Variants in CTNND2 observed in about 807,000 individuals in gnomAD.
CTNND2 encodes the protein catenin delta 2.
A neutral mutation model predicts 144.4 loss-of-function variants in CTNND2; 22 were observed. That is an observed-to-expected ratio of 0.15 (90% confidence interval 0.11 to 0.22). The LOEUF is 0.22. CTNND2 is among the 10% of genes least tolerant of loss of function. The probability of loss-of-function intolerance (pLI) is 1.00; values close to 1 mark genes in which losing one functional copy is unlikely to be tolerated. For synonymous variants in CTNND2, 751 were observed against 695.6 expected (o/e 1.08, Z -1.25); for missense variants, 1,353 against 1,618.8 (o/e 0.84, Z 2.82).
chr5:11,191,994 A>G (rs2149815729), intron 11 of CTNND2, among the ~76,000 whole-genome samples: 1 of 152,148 alleles, frequency 6.6e-6, no homozygotes, highest in South Asian at 2.1e-4. Flanking sequence ...ACCAGCTCTC[A>G]CCGTGGTGTC....
chr5:11,286,511 G>A (rs932504589), intron 9 of CTNND2, among the ~76,000 whole-genome samples: 1 of 152,246 alleles, frequency 6.6e-6, no homozygotes, highest in Non-Finnish European at 1.5e-5. Flanking sequence ...CTGCACCCAA[G>A]TGCCTTAGTT....
intron 3 of CTNND2, among the ~76,000 whole-genome samples, chr5:11,487,827 G>C (rs115049487): frequency 6.6e-6 from 1 of 152,082 alleles, no homozygotes; most frequent in Non-Finnish European, 1.5e-5. Context: ...AATTGACCAC[G>C]GTGGGAGTAT....
intron 3 of CTNND2, among the ~76,000 whole-genome samples, chr5:11,551,464 T>C (rs1775762562): frequency 7.8e-6 from 1 of 128,748 alleles, no homozygotes; most frequent in African/African-American, 3.1e-5. Context: ...GATAAGGGGG[T>C]CTCACTCTGT....
chr5:11,180,906 G>A (rs1760926701), intron 11 of CTNND2, among the ~76,000 whole-genome samples: 1 of 152,206 alleles, frequency 6.6e-6, no homozygotes, highest in South Asian at 2.1e-4. Context: ...AGTTCAGACA[G>A]GGCTGAGCAC....
At chr5:11,717,574 G>GAA (rs34808379) in intron 2 of CTNND2, among the ~76,000 whole-genome samples, 2 of 118,398 alleles carry the variant, frequency 1.7e-5, no homozygotes, top group African/African-American at 3.1e-5. Context: ...AAGAGACTGT[G>GAA]AAAAAAAAAA....
chr5:11,654,712 T>C (rs958244964), intron 2 of CTNND2, among the ~76,000 whole-genome samples: 6 of 152,034 alleles, frequency 3.9e-5, no homozygotes, highest in Non-Finnish European at 8.8e-5. Context: ...CTTCTTCCTT[T>C]CCAATATGGA....
intron 8 of CTNND2, among the ~76,000 whole-genome samples, chr5:11,349,720 AACTAATTTACACTATTTCTCATTAC>A (rs1488081627): frequency 6.6e-6 from 1 of 152,218 alleles, no homozygotes; most frequent in Non-Finnish European, 1.5e-5. Flanking sequence ...CTCGTATGCT[AACTAATTTACACTATTTCTCATTAC>A]ATTTACACTA....
chr5:11,265,273 G>A (rs1312817494), intron 9 of CTNND2, among the ~76,000 whole-genome samples: 3 of 152,144 alleles, frequency 2.0e-5, no homozygotes, highest in African/African-American at 4.8e-5. Flanking sequence ...AAAAAATAAT[G>A]TACATGAGAG....
At chr5:10,995,329 G>A (rs1453342984) in intron 18 of CTNND2, among the ~76,000 whole-genome samples, 1 of 152,202 alleles carries the variant, frequency 6.6e-6, no homozygotes, top group African/African-American at 2.4e-5. Context: ...AGCATCAGGA[G>A]GGTGTGACTG....
At chr5:11,077,971 G>A (rs1749121839) in intron 16 of CTNND2, among the ~76,000 whole-genome samples, 1 of 152,170 alleles carries the variant, frequency 6.6e-6, no homozygotes, top group African/African-American at 2.4e-5. Context: ...GTCAGGTCTG[G>A]GAGAGACCTT....
intron 9 of CTNND2, among the ~76,000 whole-genome samples, chr5:11,329,462 A>T (rs1037538630): frequency 3.3e-5 from 5 of 152,120 alleles, no homozygotes; most frequent in Non-Finnish European, 5.9e-5. Context: ...GCCAAAGTTA[A>T]TCATCTCTTT....
chr5:11,843,226 A>C (rs1030665653), intron 1 of CTNND2, among the ~76,000 whole-genome samples: 1 of 152,224 alleles, frequency 6.6e-6, no homozygotes, highest in Admixed American at 6.5e-5. Flanking sequence ...ATCAAAAAGC[A>C]CTGTCTCATT....
chr5:11,588,937 C>T (rs1554090457), intron 2 of CTNND2: 2 of 985,170 alleles, frequency 2.0e-6, no homozygotes, highest in Non-Finnish European at 2.4e-6. Context: ...GCTCAAAAAC[C>T]GAGAAGGGAG....
At chr5:11,708,092 G>C (rs539613807) in intron 2 of CTNND2, among the ~76,000 whole-genome samples, 88 of 151,494 alleles carry the variant, frequency 5.8e-4, no homozygotes, top group African/African-American at 2.1e-3. Context: ...TGTCACTCAG[G>C]TTGGAGTTCA....
chr5:11,478,269 T>C (rs1228828634), intron 3 of CTNND2, among the ~76,000 whole-genome samples: 1 of 152,254 alleles, frequency 6.6e-6, no homozygotes, highest in Non-Finnish European at 1.5e-5. Context: ...CTGCTTTTGC[T>C]GTGCTTGGGG....
intron 6 of CTNND2, 53 bp from the exon 7 acceptor site, chr5:11,385,282 GC>G: frequency 9.6e-7 from 1 of 1,038,362 alleles, no homozygotes; most frequent in East Asian, 6.5e-5. Flanking sequence ...GAAGCACACG[GC>G]CCACCCGGCC....
In CTNND2 at chr5:10,988,972, C is replaced by T. The variant is rs1738356580; in HGVS notation, c.3212-730G>A. Among the ~76,000 whole-genome samples the T allele has an allele frequency of 6.6e-6, 1 of 152,190 alleles. No individual in the cohort carries two copies. The highest frequency in any genetic ancestry group is 1.5e-5 in the Non-Finnish European group (1 of 68,038). On this transcript the variant is annotated intron_variant, in intron 19 of 21. Transcript: ENST00000304623. The surrounding 1 kb of genome is among the most constrained non-coding windows in gnomAD (Gnocchi z 5.9). ...CTGCCTGTCTGGCTGGGAGGCTGAG[C>T]CCTGCCGTTCCTCTTACACCCATTT...
intron 2 of CTNND2, among the ~76,000 whole-genome samples, chr5:11,603,477 G>GT (rs374341229): frequency 3.3e-5 from 5 of 152,268 alleles, no homozygotes; most frequent in African/African-American, 1.2e-4. Context: ...TTGCCTGTCT[G>GT]TAAGTATCCA....
intron 1 of CTNND2, among the ~76,000 whole-genome samples, chr5:11,825,749 A>G (rs1357672865): frequency 1.3e-5 from 2 of 152,064 alleles, no homozygotes; most frequent in African/African-American, 4.8e-5. Context: ...AAAGAGAAAG[A>G]AATATTACCT....
Sources: gnomAD v4.1 joint callset for allele counts (sites outside exome capture counted in the v4.1 genomes callset) on GRCh38, gnomAD v4.1.1 for gene constraint, Gnocchi (gnomAD v3.1) non-coding constraint, MANE v1.5 for transcripts, NCBI Gene and HGNC (gene_info 2026-07-23, HGNC 2026-07-21) for gene names.